Variants in MANBAL observed in about 807,000 individuals in gnomAD.
MANBAL encodes protein MANBAL.
In MANBAL, 1 loss-of-function variant was observed where a neutral mutation model predicts 6.4. That is an observed-to-expected ratio of 0.16 (90% CI 0.06 to 0.74). MANBAL has a LOEUF of 0.74. Among genes scored for constraint, MANBAL ranks in the 30% least tolerant of loss-of-function variants. The probability of loss-of-function intolerance (pLI) is 0.78; values close to 1 mark genes in which losing one functional copy is unlikely to be tolerated. For synonymous variants in MANBAL, 47 were observed against 45.8 expected (o/e 1.03, Z -0.10); for missense variants, 100 against 107.8 (o/e 0.93, Z 0.32).
intron 1 of MANBAL, among the ~76,000 whole-genome samples, chr20:37,296,658 A>G (rs1600898697): frequency 6.6e-6 from 1 of 152,162 alleles, no homozygotes; most frequent in Non-Finnish European, 1.5e-5. Flanking sequence ...TTGTACCTGA[A>G]GGCTTTTTCT....
At chr20:37,301,102 C>T in intron 1 of MANBAL, 106 bp from the exon 2 acceptor site, 2 of 685,636 alleles carry the variant, frequency 2.9e-6, no homozygotes, top group South Asian at 1.0e-4. Context: ...TGCCATTGCA[C>T]TCCAGCCTGG....
At chr20:37,291,255 G>A (rs2146778654) in intron 1 of MANBAL, among the ~76,000 whole-genome samples, 1 of 152,174 alleles carries the variant, frequency 6.6e-6, no homozygotes, top group South Asian at 2.1e-4. Context: ...TGCCCATATA[G>A]CCCACGTTTC....
At chr20:37,309,952 A>G (rs994354501) in intron 2 of MANBAL, among the ~76,000 whole-genome samples, 6 of 152,110 alleles carry the variant, frequency 3.9e-5, no homozygotes, top group African/African-American at 1.2e-4. Flanking sequence ...TTTTTACTTA[A>G]TGACCCGTTC....
intron 2 of MANBAL, among the ~76,000 whole-genome samples, chr20:37,312,174 C>G (rs1449862308): frequency 6.6e-6 from 1 of 152,124 alleles, no homozygotes; most frequent in Non-Finnish European, 1.5e-5. Context: ...TACACACACC[C>G]ACAGAAGACT....
intron 1 of MANBAL, among the ~76,000 whole-genome samples, chr20:37,299,767 T>G (rs1164172274): frequency 6.6e-6 from 1 of 152,186 alleles, no homozygotes; most frequent in Non-Finnish European, 1.5e-5. Context: ...AGCTCAGCCT[T>G]AGAGGCAGAG....
chr20:37,315,279 G>A (rs1364969617), intron 2 of MANBAL, among the ~76,000 whole-genome samples: 1 of 152,234 alleles, frequency 6.6e-6, no homozygotes, highest in African/African-American at 2.4e-5. Flanking sequence ...TGAAGTCTGT[G>A]GCCTGGACGA....
chr20:37,300,363 A>G (rs1449842899), intron 1 of MANBAL, among the ~76,000 whole-genome samples: 3 of 151,264 alleles, frequency 2.0e-5, no homozygotes, highest in Non-Finnish European at 4.4e-5. Context: ...TATCTCTTCC[A>G]CTCCATTCCC....
intron 2 of MANBAL, among the ~76,000 whole-genome samples, chr20:37,310,317 T>C (rs2069355444): frequency 6.6e-6 from 1 of 152,254 alleles, no homozygotes; most frequent in South Asian, 2.1e-4. Flanking sequence ...CCACCCTGTC[T>C]CAGGCCCTCA....
intron 1 of MANBAL, among the ~76,000 whole-genome samples, chr20:37,300,248 C>A (rs1030135715): frequency 2.0e-5 from 3 of 152,204 alleles, no homozygotes; most frequent in African/African-American, 7.2e-5. Flanking sequence ...CACTTCTCTG[C>A]CTGTACTGGC....
intron 2 of MANBAL, among the ~76,000 whole-genome samples, chr20:37,315,047 G>A (rs1473403653): frequency 1.3e-5 from 2 of 152,166 alleles, no homozygotes; most frequent in Admixed American, 1.3e-4. Context: ...TAAAGAACAT[G>A]GGCACTGAGA....
intron 1 of MANBAL, among the ~76,000 whole-genome samples, chr20:37,298,311 G>A (rs2069046332): frequency 2.0e-5 from 3 of 152,194 alleles, no homozygotes; most frequent in Admixed American, 2.0e-4. Context: ...TTGCAGTGTT[G>A]TATAACCGTC....
chr20:37,299,754 T>A (rs2069089333), intron 1 of MANBAL, among the ~76,000 whole-genome samples: 1 of 152,150 alleles, frequency 6.6e-6, no homozygotes, highest in Non-Finnish European at 1.5e-5. Context: ...GAGATGACAC[T>A]TGAGCTCAGC....
chr20:37,293,058 T>C (rs543041823), intron 1 of MANBAL, among the ~76,000 whole-genome samples: 6 of 152,358 alleles, frequency 3.9e-5, no homozygotes, highest in African/African-American at 1.4e-4. Flanking sequence ...CTCTTATCCA[T>C]GACTGCATGG....
intron 2 of MANBAL, among the ~76,000 whole-genome samples, chr20:37,313,068 AG>A (rs1436729358): frequency 6.6e-6 from 1 of 152,324 alleles, no homozygotes; most frequent in East Asian, 1.9e-4. Context: ...ATGGGCTAAT[AG>A]GGGAGACTAA....
chr20:37,310,904 A>G (rs2069371040), intron 2 of MANBAL, among the ~76,000 whole-genome samples: 1 of 152,176 alleles, frequency 6.6e-6, no homozygotes, highest in Non-Finnish European at 1.5e-5. Flanking sequence ...TGGTACGGGC[A>G]GCGTACATTT....
chr20:37,309,445 C>T (rs1305336192), intron 2 of MANBAL, among the ~76,000 whole-genome samples: 1 of 152,178 alleles, frequency 6.6e-6, no homozygotes, highest in Non-Finnish European at 1.5e-5. Flanking sequence ...CCCAGACCCC[C>T]ATGGGATAGG....
chr20:37,313,337 C>T (rs2069430487), intron 2 of MANBAL, among the ~76,000 whole-genome samples: 1 of 151,854 alleles, frequency 6.6e-6, no homozygotes, highest in African/African-American at 2.4e-5. Flanking sequence ...AGCCACTGCA[C>T]TCCAGCCTGG....
At chr20:37,312,420 AC>A (rs1366441276) in intron 2 of MANBAL, among the ~76,000 whole-genome samples, 2 of 152,188 alleles carry the variant, frequency 1.3e-5, no homozygotes, top group South Asian at 4.1e-4. Flanking sequence ...GCCCCAGGAA[AC>A]CTGGGAGAGG....
At chr20:37,295,877 A>G (rs1042839201) in intron 1 of MANBAL, among the ~76,000 whole-genome samples, 4 of 152,240 alleles carry the variant, frequency 2.6e-5, no homozygotes, top group Admixed American at 2.0e-4. Context: ...TGAGATCTGC[A>G]GGATGAATAG....
Sources: gnomAD v4.1 joint callset for allele counts (sites outside exome capture counted in the v4.1 genomes callset) on GRCh38, gnomAD v4.1.1 for gene constraint, MANE v1.5 for transcripts, NCBI Gene and HGNC (gene_info 2026-07-23, HGNC 2026-07-21) for gene names.